PPARGC1B: variants seen among roughly 807,000 people sequenced by gnomAD.
The protein encoded by PPARGC1B is peroxisome proliferator-activated receptor gamma coactivator 1-beta.
Under a neutral mutation model 101.6 loss-of-function variants are expected in PPARGC1B, and 34 were observed. The ratio of observed to expected loss-of-function variants is 0.33; its 90% confidence interval spans 0.25 to 0.45. PPARGC1B has a LOEUF of 0.45. Ranked by LOEUF, PPARGC1B falls within the 20% of genes least tolerant of loss-of-function variation. The pLI is 1.00. For missense variants in PPARGC1B, 1,234 were observed against 1,317.6 expected (o/e 0.94, Z 0.98); for synonymous variants, 548 against 539.3 (o/e 1.02, Z -0.22).
rs1039368363 is a variant in PPARGC1B at position 149,833,850 on chromosome 5, A to G, written c.1705+72A>G. 2 of 1,425,060 alleles carry G rather than the reference A, an allele frequency of 1.4e-6. No individual in the cohort carries two copies. The highest frequency in any genetic ancestry group is 1.8e-6 in the Non-Finnish European group (2 of 1,094,044). 88.3% of individuals were successfully genotyped at this position (1,425,060 alleles called of 1,614,324 possible). ...AGCATGCCCCTCTGCACTGGGAGCC[A>G]GGAGCCCTGTGTTCAAGTCCCCGTC... On this transcript the variant is annotated intron_variant, in intron 5 of 11. Transcript: ENST00000309241. This position sits in a 1 kb window ranked among gnomAD's most constrained non-coding sequence, Gnocchi z 4.1.
intron 1 of PPARGC1B, among the ~76,000 whole-genome samples, chr5:149,776,905 CAT>C (rs751298519): frequency 1.3e-5 from 2 of 152,262 alleles, no homozygotes; most frequent in African/African-American, 4.8e-5. Context: ...TCTGCACACA[CAT>C]GTGTGTACAC....
Position 149,730,369 on chromosome 5 carries a change from G to A in PPARGC1B, c.27G>A (p.Leu9=). Residue 9 remains leucine, a synonymous_variant, in exon 1 of 12, where the codon CTG becomes CTA. Coordinates refer to ENST00000309241, the MANE Select transcript of PPARGC1B (RefSeq NM_133263.4). The surrounding 1 kb of genome is among the most constrained non-coding windows in gnomAD (Gnocchi z 4.0). MAGNDCGA[L]LDEELSSFFL... is the part of the protein sequence containing the mutation. ...TGGCGGGGAACGACTGCGGCGCGCT[G>A]CTGGACGAAGAGCTCTCCTCCTTCT... The A allele has an allele frequency of 6.4e-7, 1 of 1,572,774 alleles. No individual in the cohort carries two copies.
intron 8 of PPARGC1B, 138 bp from the exon 9 acceptor site, chr5:149,839,903 C>T: frequency 1.2e-6 from 1 of 824,976 alleles, no homozygotes; most frequent in South Asian, 1.5e-5. Flanking sequence ...AGCTAGGTTT[C>T]TGCGGGAGGC....
At chr5:149,844,098 A>C (rs998922585) in intron 10 of PPARGC1B, among the ~76,000 whole-genome samples, 1 of 152,236 alleles carries the variant, frequency 6.6e-6, no homozygotes, top group African/African-American at 2.4e-5. Context: ...TAATACTGCC[A>C]AACTGTATGC....
intron 1 of PPARGC1B, among the ~76,000 whole-genome samples, chr5:149,751,691 G>A (rs1477213172): frequency 6.6e-6 from 1 of 151,110 alleles, no homozygotes; most frequent in Non-Finnish European, 1.5e-5. Flanking sequence ...GGGCGACAGA[G>A]GAAGACTCTG....
intron 10 of PPARGC1B, among the ~76,000 whole-genome samples, chr5:149,844,294 T>TA (rs1031709022): frequency 3.3e-5 from 5 of 152,160 alleles, no homozygotes; most frequent in African/African-American, 4.8e-5. Context: ...GTTAAGATTT[T>TA]AAAAAAACAC....
At chr5:149,775,255 A>C (rs1440584459) in intron 1 of PPARGC1B, among the ~76,000 whole-genome samples, 1 of 152,186 alleles carries the variant, frequency 6.6e-6, no homozygotes, top group Non-Finnish European at 1.5e-5. Flanking sequence ...TGGAGAGGGC[A>C]GGGCATAGTG....
chr5:149,750,013 A>C (rs1332981656), intron 1 of PPARGC1B, among the ~76,000 whole-genome samples: 2 of 152,182 alleles, frequency 1.3e-5, no homozygotes, highest in East Asian at 3.9e-4. Context: ...CCCTGCACCC[A>C]GTGGGTAATG....
At chr5:149,732,368 G>A (rs1438008970) in intron 1 of PPARGC1B, among the ~76,000 whole-genome samples, 1 of 152,224 alleles carries the variant, frequency 6.6e-6, no homozygotes, top group Non-Finnish European at 1.5e-5. Flanking sequence ...AATAGCCGGA[G>A]ACTCGTTCAG....
chr5:149,806,813 G>A (rs182824896), intron 1 of PPARGC1B, among the ~76,000 whole-genome samples: 6 of 151,958 alleles, frequency 3.9e-5, no homozygotes, highest in Admixed American at 3.9e-4. Context: ...TCACCATATT[G>A]GTCAGCTGCT....
intron 1 of PPARGC1B, among the ~76,000 whole-genome samples, chr5:149,802,283 CT>C: frequency 6.6e-6 from 1 of 152,340 alleles, no homozygotes; most frequent in Non-Finnish European, 1.5e-5. Flanking sequence ...TCCTCCGTCC[CT>C]CCTGGCTTGC....
intron 1 of PPARGC1B, among the ~76,000 whole-genome samples, chr5:149,732,020 G>A (rs1352953580): frequency 2.0e-5 from 3 of 151,450 alleles, no homozygotes; most frequent in African/African-American, 4.9e-5. Flanking sequence ...CGAGGGGAAT[G>A]TGTGATGAGC....
chr5:149,844,300 AAC>A (rs1449179607), intron 10 of PPARGC1B, among the ~76,000 whole-genome samples: 1 of 152,242 alleles, frequency 6.6e-6, no homozygotes, highest in African/African-American at 2.4e-5. Flanking sequence ...ATTTTAAAAA[AAC>A]ACACAGGATC....
intron 1 of PPARGC1B, among the ~76,000 whole-genome samples, chr5:149,798,543 C>T (rs540272200): frequency 1.3e-5 from 2 of 152,316 alleles, no homozygotes; most frequent in East Asian, 1.9e-4. Flanking sequence ...AGTTGATTCC[C>T]GTGCTGCCTG....
intron 1 of PPARGC1B, among the ~76,000 whole-genome samples, chr5:149,799,096 G>GT (rs1757334904): frequency 6.6e-6 from 1 of 151,944 alleles, no homozygotes; most frequent in African/African-American, 2.4e-5. Context: ...ACTGTGAAGG[G>GT]TGGAGAATGG....
intron 1 of PPARGC1B, among the ~76,000 whole-genome samples, chr5:149,798,187 C>T (rs1321719364): frequency 1.3e-5 from 2 of 152,324 alleles, no homozygotes; most frequent in African/African-American, 2.4e-5. Context: ...CCAAAGTCAG[C>T]GTTCAGAACA....
At chr5:149,814,507 A>G (rs558355789) in intron 1 of PPARGC1B, among the ~76,000 whole-genome samples, 1 of 152,230 alleles carries the variant, frequency 6.6e-6, no homozygotes, top group African/African-American at 2.4e-5. Flanking sequence ...AGGTGACCCA[A>G]TGAAGGACGC....
chr5:149,847,754 T>A lies in PPARGC1B; in HGVS notation c.*196T>A. On this transcript the variant is annotated 3_prime_UTR_variant, in exon 12 of 12. Transcript: ENST00000309241. ...CATTGAACAAAGCTGCTTCTGTCTG[T>A]GAGTTTCCATGGTGTTGACGTTCCA... is the stretch of plus-strand genomic sequence containing the variant. 1.8e-6 allele frequency: 1 copy of A among 570,834 alleles called. No homozygotes were observed. Among genetic ancestry groups the A allele is most frequent in the Non-Finnish European group, 3.1e-6 (1 of 320,844 alleles). The allele number at this position is 570,834 out of a possible 1,614,324, so 35.4% of individuals were successfully genotyped here.
chr5:149,769,427 C>T (rs1019010914), intron 1 of PPARGC1B, among the ~76,000 whole-genome samples: 7 of 152,164 alleles, frequency 4.6e-5, no homozygotes, highest in Non-Finnish European at 1.0e-4. Context: ...GATATGCTGC[C>T]GGAGCCAGGC....
Sources: allele counts gnomAD v4.1 joint callset (sites outside exome capture counted in the v4.1 genomes callset), GRCh38; gene constraint gnomAD v4.1.1; non-coding constraint Gnocchi (gnomAD v3.1); transcripts MANE v1.5; gene names NCBI Gene and HGNC (gene_info 2026-07-23, HGNC 2026-07-21).